HDX: variants seen among roughly 807,000 people sequenced by gnomAD.
HDX encodes the protein chromosome X open reading frame 43.
HDX carries 19 observed loss-of-function variants against 45.2 expected under a neutral mutation model. The observed-to-expected ratio is 0.42, with a 90% CI of 0.29 to 0.62. HDX has a LOEUF of 0.62. Among genes scored for constraint, HDX ranks in the 20% least tolerant of loss-of-function variants. The pLI, the probability that HDX is intolerant of heterozygous loss-of-function variation, is 0.20. For missense variants in HDX, 532 were observed against 493.9 expected, an observed-to-expected ratio of 1.08 and a Z score of -0.73; for synonymous variants, 188 against 172.8, an observed-to-expected ratio of 1.09 and a Z score of -0.69.
intron 5 of HDX, among the ~76,000 whole-genome samples, chrX:84,409,454 C>T (rs1022035860): frequency 9.1e-5 from 10 of 110,185 alleles, no homozygotes; most frequent in African/African-American, 3.3e-4. Flanking sequence ...TTCACAATAG[C>T]AAAGACTTGG....
intron 2 of HDX, among the ~76,000 whole-genome samples, chrX:84,485,511 C>A (rs1055294560): frequency 1.8e-5 from 2 of 111,720 alleles, no homozygotes; most frequent in Non-Finnish European, 3.8e-5. Context: ...TCAAGCAATT[C>A]TCATGCCTCC....
intron 5 of HDX, among the ~76,000 whole-genome samples, chrX:84,427,719 T>C: frequency 9.0e-6 from 1 of 111,348 alleles, no homozygotes. Context: ...ACAGTTGGTT[T>C]GTTTCCAGGT....
At chrX:84,495,186 C>A (rs1310607599) in intron 1 of HDX, among the ~76,000 whole-genome samples, 1 of 109,072 alleles carries the variant, frequency 9.2e-6, no homozygotes, top group Admixed American at 9.8e-5. Flanking sequence ...TGGTAGTTAT[C>A]AAGGCTGGAG....
At chrX:84,405,955 C>T (rs2038809111) in intron 5 of HDX, among the ~76,000 whole-genome samples, 1 of 110,064 alleles carries the variant, frequency 9.1e-6, no homozygotes, top group African/African-American at 3.3e-5. Flanking sequence ...AGATTCAGAG[C>T]GGTTAAATAA....
intron 4 of HDX, among the ~76,000 whole-genome samples, chrX:84,453,569 C>T (rs1252700282): frequency 8.0e-5 from 9 of 112,149 alleles, no homozygotes; most frequent in Admixed American, 4.7e-4. Context: ...AGAGTAGGAA[C>T]TTGAGTTTTG....
At chrX:84,433,323 G>C (rs1020630261) in intron 5 of HDX, among the ~76,000 whole-genome samples, 1 of 111,599 alleles carries the variant, frequency 9.0e-6, no homozygotes, top group African/African-American at 3.3e-5. Flanking sequence ...GTAGCTTGAG[G>C]TCTCTCATTT....
intron 5 of HDX, among the ~76,000 whole-genome samples, chrX:84,435,659 T>A (rs1394085359): frequency 3.8e-5 from 4 of 105,802 alleles, no homozygotes; most frequent in Non-Finnish European, 7.8e-5. Context: ...TGAATGGTAA[T>A]GCCTAGGTTT....
chrX:84,339,016 G>C (rs2037027476), intron 7 of HDX, among the ~76,000 whole-genome samples: 1 of 111,310 alleles, frequency 9.0e-6, no homozygotes, highest in African/African-American at 3.3e-5. Flanking sequence ...CTGCAGAACT[G>C]TGAGCCAATT....
At chrX:84,360,675 T>C (rs2077572151) in intron 6 of HDX, among the ~76,000 whole-genome samples, 1 of 111,565 alleles carries the variant, frequency 9.0e-6, no homozygotes, top group African/African-American at 3.3e-5. Flanking sequence ...TAATATGTGG[T>C]CTTTTGCAAT....
At chrX:84,336,244 G>A (rs2036957685) in intron 8 of HDX, among the ~76,000 whole-genome samples, 1 of 110,898 alleles carries the variant, frequency 9.0e-6, no homozygotes, top group South Asian at 3.7e-4. Context: ...CACACAACCT[G>A]CTTCTATTTG....
intron 8 of HDX, among the ~76,000 whole-genome samples, chrX:84,334,336 T>C (rs1450719516): frequency 9.0e-6 from 1 of 110,991 alleles, no homozygotes; most frequent in Admixed American, 9.7e-5. Flanking sequence ...AACTTTAGCT[T>C]GACAACTAAT....
chrX:84,490,172 C>CT (rs1204096343), intron 1 of HDX, among the ~76,000 whole-genome samples: 3 of 109,665 alleles, frequency 2.7e-5, no homozygotes, highest in Non-Finnish European at 3.8e-5. Flanking sequence ...GTCCTCTCTC[C>CT]TTTTTTTTTC....
At chrX:84,455,826 G>A (rs1341397322) in intron 4 of HDX, among the ~76,000 whole-genome samples, 2 of 112,203 alleles carry the variant, frequency 1.8e-5, no homozygotes, top group Non-Finnish European at 3.8e-5. Flanking sequence ...AAAGCAGCAA[G>A]AGAAAAGAAA....
At chrX:84,455,913 G>A (rs1482517391) in intron 4 of HDX, among the ~76,000 whole-genome samples, 1 of 111,964 alleles carries the variant, frequency 8.9e-6, no homozygotes, top group Non-Finnish European at 1.9e-5. Flanking sequence ...AGGAGACAGT[G>A]GTATAACATA....
At chrX:84,483,486 G>A (rs2040731229) in intron 2 of HDX, among the ~76,000 whole-genome samples, 1 of 112,505 alleles carries the variant, frequency 8.9e-6, no homozygotes. Context: ...TGAGCTGTAT[G>A]TTGGCCCCTT....
chrX:84,339,835 T>G (rs1344359319), intron 7 of HDX, among the ~76,000 whole-genome samples: 2 of 111,657 alleles, frequency 1.8e-5, no homozygotes, highest in African/African-American at 6.5e-5. Flanking sequence ...GACATAGATG[T>G]TAATTGTTCT....
intron 6 of HDX, among the ~76,000 whole-genome samples, chrX:84,349,568 T>C (rs1052133116): frequency 3.0e-4 from 28 of 92,291 alleles, no homozygotes; most frequent in Non-Finnish European, 6.3e-5. Flanking sequence ...TAGATGTATA[T>C]ATATGTGTAT....
intron 4 of HDX, among the ~76,000 whole-genome samples, chrX:84,448,869 A>G (rs780911749): frequency 1.8e-5 from 2 of 110,647 alleles, no homozygotes; most frequent in South Asian, 7.7e-4. Flanking sequence ...GAGATACAAG[A>G]TAATTCAGAA....
At chrX:84,448,047 G>A (rs2039910800) in intron 4 of HDX, among the ~76,000 whole-genome samples, 1 of 111,672 alleles carries the variant, frequency 9.0e-6, no homozygotes, top group South Asian at 3.8e-4. Flanking sequence ...ACACCATTGA[G>A]GGCTAGAGGA....
Sources: gnomAD v4.1 joint callset for allele counts (sites outside exome capture counted in the v4.1 genomes callset) on GRCh38, gnomAD v4.1.1 for gene constraint, MANE v1.5 for transcripts, NCBI Gene and HGNC (gene_info 2026-07-23, HGNC 2026-07-21) for gene names.